Variants in RUFY4 observed in about 807,000 individuals in gnomAD.
RUFY4 encodes RUN and FYVE domain containing 4, also known as RUN and FYVE domain-containing protein 4.
A neutral mutation model predicts 69.0 loss-of-function variants in RUFY4; 73 were observed. The ratio of observed to expected loss-of-function variants is 1.06; its 90% CI spans 0.88 to 1.29. The LOEUF (loss-of-function observed/expected upper bound fraction) is 1.29. Among genes scored for constraint, RUFY4 ranks in the 50% most tolerant of loss-of-function variants. RUFY4 has a pLI of 0.00. For synonymous variants in RUFY4, 287 were observed against 271.8 expected (o/e 1.06, Z -0.55); for missense variants, 770 against 705.6 (o/e 1.09, Z -1.03).
At position 218,075,159 on chromosome 2, in the gene RUFY4, TG is replaced by T; in HGVS notation, c.668del (p.Cys223PhefsTer53). 1 of 1,555,760 alleles carries T rather than the reference TG, an allele frequency of 6.4e-7. No individual in the cohort carries two copies. The highest frequency in any genetic ancestry group is 8.7e-7 in the Non-Finnish European group (1 of 1,149,092). ...GGACTCACACACCAGTCAAGCCATC[TG>T]TCTGCAAGATGCACCCAGTGGACAG... On this transcript the variant is annotated frameshift_variant, in exon 7 of 11. Transcript: ENST00000344321. LOFTEE classifies it high-confidence loss of function.
chr2:218,041,020 T>A (rs899894638), intron 2 of RUFY4, among the ~76,000 whole-genome samples: 1 of 139,708 alleles, frequency 7.2e-6, no homozygotes, highest in African/African-American at 3.2e-5. Context: ...CTAGAGATGG[T>A]TCTCTAGAGA....
chr2:218,053,741 G>T lies in RUFY4; in HGVS notation c.-1157-4854G>T, dbSNP rs182162309. Among the ~76,000 whole-genome samples, 65 of 151,648 alleles carry T rather than the reference G, an allele frequency of 4.3e-4. 1 individual carries two copies. The highest frequency in any genetic ancestry group is 3.4e-3 in the Middle Eastern group (1 of 292). On this transcript the variant is annotated intron_variant and NMD_transcript_variant, in intron 2 of 13. Coordinates refer to the RUFY4 transcript ENST00000457754. The stretch of plus-strand genomic sequence containing the variant: ...TCTTGATCTCCTGACTTCGTGATCC[G>T]CCCGCCTCGGCCTCCCAAAGTGCTG...
chr2:218,062,503 G>A (rs902184325), intron 3 of RUFY4, among the ~76,000 whole-genome samples: 1 of 151,988 alleles, frequency 6.6e-6, no homozygotes, highest in African/African-American at 2.4e-5. Flanking sequence ...GCCTGAGCAG[G>A]AGTTCGTGAC....
At chr2:218,060,765 C>T (rs777837977) in intron 3 of RUFY4, 11 of 1,558,490 alleles carry the variant, frequency 7.1e-6, no homozygotes, top group Non-Finnish European at 8.8e-6. Context: ...CACGATGAAG[C>T]CAAAGGACTG....
intron 3 of RUFY4, chr2:218,060,627 C>T: frequency 7.4e-7 from 1 of 1,355,268 alleles, no homozygotes; most frequent in Non-Finnish European, 1.1e-6. Flanking sequence ...GGTTGTAGGG[C>T]AGCCAGCAGA....
At chr2:218,035,764 C>A (rs1002681636) in intron 2 of RUFY4, among the ~76,000 whole-genome samples, 3 of 152,192 alleles carry the variant, frequency 2.0e-5, no homozygotes, top group African/African-American at 7.2e-5. Flanking sequence ...GTATTAAAAC[C>A]AGGCACCCTG....
At chr2:218,056,523 T>C (rs1321039469) in intron 2 of RUFY4, among the ~76,000 whole-genome samples, 1 of 152,196 alleles carries the variant, frequency 6.6e-6, no homozygotes, top group East Asian at 1.9e-4. Flanking sequence ...CATCCTGGCA[T>C]GAAGGACAAT....
At chr2:218,080,017 C>G (rs1427942831) in intron 8 of RUFY4, among the ~76,000 whole-genome samples, 1 of 152,180 alleles carries the variant, frequency 6.6e-6, no homozygotes, top group Admixed American at 6.5e-5. Context: ...TGAGCAGAAG[C>G]CCCAACCACA....
chr2:218,089,897 T>G, intron 10 of RUFY4, 55 bp from the exon 13 acceptor site: 1 of 1,249,540 alleles, frequency 8.0e-7, no homozygotes, highest in Admixed American at 2.0e-5. Flanking sequence ...AGCGCCCACT[T>G]GGGGAAGTGC....
chr2:218,089,181 G>C, intron 9 of RUFY4, 71 bp from the exon 12 acceptor site: 1 of 1,200,354 alleles, frequency 8.3e-7, no homozygotes, highest in Non-Finnish European at 1.2e-6. Flanking sequence ...CTCTCTGTCT[G>C]GGTCTTTTCC....
At chr2:218,039,065 C>A (rs1405267053) in intron 2 of RUFY4, among the ~76,000 whole-genome samples, 15 of 152,106 alleles carry the variant, frequency 9.9e-5, no homozygotes, top group Admixed American at 7.9e-4. Flanking sequence ...AAGGAAGGGG[C>A]ATCACAGCAA....
At chr2:218,061,428 A>C in intron 3 of RUFY4, 1 of 226,452 alleles carries the variant, frequency 4.4e-6, no homozygotes, top group Non-Finnish European at 8.9e-6. Context: ...GGTAAACTTA[A>C]ATCCTGGCCT....
intron 8 of RUFY4, among the ~76,000 whole-genome samples, chr2:218,079,190 C>T (rs1689704061): frequency 6.6e-6 from 1 of 152,146 alleles, no homozygotes; most frequent in African/African-American, 2.4e-5. Flanking sequence ...TTAAAGGCCC[C>T]TTGGAGCTGG....
chr2:218,061,983 A>G (rs539913685), intron 3 of RUFY4, among the ~76,000 whole-genome samples: 2 of 152,362 alleles, frequency 1.3e-5, no homozygotes, highest in South Asian at 2.1e-4. Context: ...GAACAGTAGC[A>G]TGGAGTTTTG....
At chr2:218,070,550 G>A (rs1470426292) in exon 1 of RUFY4, 16 of 1,468,140 alleles carry the variant, frequency 1.1e-5, no homozygotes, top group Non-Finnish European at 1.0e-5. Flanking sequence ...GAGGCCGAAA[G>A]TCCTTCCTGA....
chr2:218,076,188 A>C (rs911022242), intron 7 of RUFY4, among the ~76,000 whole-genome samples: 1 of 152,206 alleles, frequency 6.6e-6, no homozygotes, highest in African/African-American at 2.4e-5. Context: ...GCCTCCACCC[A>C]GGAACTTGCA....
At chr2:218,048,764 C>T (rs975671833) in intron 2 of RUFY4, among the ~76,000 whole-genome samples, 1 of 151,604 alleles carries the variant, frequency 6.6e-6, no homozygotes, top group African/African-American at 2.4e-5. Flanking sequence ...AAAAAAAATC[C>T]CTTTAGTGTC....
chr2:218,043,101 CGGA>C (rs139584550), intron 2 of RUFY4, among the ~76,000 whole-genome samples: 10,951 of 152,030 alleles, frequency 0.072, 1,268 homozygotes, highest in African/African-American at 0.25. Context: ...TAGAACAGCT[CGGA>C]GGAGACCTGC....
chr2:218,077,794 C>T (rs1410667998), intron 8 of RUFY4, among the ~76,000 whole-genome samples: 1 of 152,232 alleles, frequency 6.6e-6, no homozygotes, highest in Non-Finnish European at 1.5e-5. Context: ...GACCCCCAGG[C>T]TCCTCCCACT....
Sources: allele counts gnomAD v4.1 joint callset (sites outside exome capture counted in the v4.1 genomes callset), GRCh38; gene constraint gnomAD v4.1.1; transcripts MANE v1.5; gene names NCBI Gene and HGNC (gene_info 2026-07-23, HGNC 2026-07-21).